Variants in SPECC1 observed in about 807,000 individuals in gnomAD.
SPECC1 encodes cytospin-B.
A neutral mutation model predicts 104.1 loss-of-function variants in SPECC1; 62 were observed. The observed-to-expected ratio is 0.60, with a 90% CI of 0.49 to 0.74. The LOEUF (loss-of-function observed/expected upper bound fraction) is 0.74. Ranked by LOEUF, SPECC1 falls within the 30% of genes least tolerant of loss-of-function variation. The pLI is 0.00. For missense variants in SPECC1, 1,306 were observed against 1,310.5 expected (o/e 1.00, Z 0.05); for synonymous variants, 513 against 501.6 (o/e 1.02, Z -0.30).
At chr17:20,272,703 G>T (rs1050079825) in intron 12 of SPECC1, among the ~76,000 whole-genome samples, 1 of 152,210 alleles carries the variant, frequency 6.6e-6, no homozygotes, top group African/African-American at 2.4e-5. Flanking sequence ...GTTATAGCAT[G>T]TGTCAAAATT....
intron 14 of SPECC1, among the ~76,000 whole-genome samples, chr17:20,311,567 A>G (rs2041935903): frequency 6.6e-6 from 1 of 151,692 alleles, no homozygotes; most frequent in Non-Finnish European, 1.5e-5. Flanking sequence ...ATTTTTTTGT[A>G]TTTTTAGTAG....
Position 20,204,900 on chromosome 17 carries a change from G to T in SPECC1, c.851G>T (p.Ser284Ile). 1 of 1,614,012 alleles carries T rather than the reference G, an allele frequency of 6.2e-7. No individual in the cohort carries two copies. Among genetic ancestry groups the T allele is most frequent in the Non-Finnish European group, 8.5e-7 (1 of 1,180,006 alleles). ...CCAACATCCATAACTCAAGAGTCAA[G>T]CTTCGGAAGCCCAACTGGAAATCAG... is the stretch of plus-strand genomic sequence containing the variant. ...SCPTSITQES[S>I]FGSPTGNQMS... The change falls in exon 4 of 15, where the codon AGC (serine) becomes ATC (isoleucine). Residue 284 changes from serine to isoleucine, a missense_variant. Ser to Ile is a moderately radical substitution (Grantham distance 142, BLOSUM62 -2). This residue lies in a region of SPECC1 where 1,177 missense variants were observed against 1,139.9 expected (regional missense o/e 1.03). Transcript: ENST00000395527.
intron 3 of SPECC1, among the ~76,000 whole-genome samples, chr17:20,161,833 T>A (rs1442244599): frequency 6.6e-6 from 1 of 151,570 alleles, no homozygotes; most frequent in Non-Finnish European, 1.5e-5. Context: ...CTCATTCTGT[T>A]GCCTAGGCTG....
At chr17:20,292,681 A>G (rs1413830106) in intron 12 of SPECC1, among the ~76,000 whole-genome samples, 1 of 152,190 alleles carries the variant, frequency 6.6e-6, no homozygotes, top group African/African-American at 2.4e-5. Context: ...TGTCGAACCC[A>G]AAGAGACTTT....
intron 13 of SPECC1, among the ~76,000 whole-genome samples, chr17:20,303,390 G>T (rs185780802): frequency 1.8e-4 from 28 of 152,308 alleles, no homozygotes; most frequent in African/African-American, 6.3e-4. Flanking sequence ...CAAGGAAGGG[G>T]CATGGCAGCT....
chr17:20,162,936 G>C (rs928492417), intron 3 of SPECC1, among the ~76,000 whole-genome samples: 4 of 152,222 alleles, frequency 2.6e-5, no homozygotes, highest in Non-Finnish European at 5.9e-5. Context: ...GCTGAGGCAG[G>C]AGAGTCCCTT....
intron 5 of SPECC1, among the ~76,000 whole-genome samples, chr17:20,231,028 G>A (rs935157341): frequency 6.6e-6 from 1 of 152,190 alleles, no homozygotes; most frequent in Non-Finnish European, 1.5e-5. Flanking sequence ...ACCTATTGAG[G>A]AATTTCAGCT....
At chr17:20,081,973 C>T (rs2046992653) in intron 1 of SPECC1, among the ~76,000 whole-genome samples, 1 of 152,204 alleles carries the variant, frequency 6.6e-6, no homozygotes, top group South Asian at 2.1e-4. Context: ...TGCCTCCTTC[C>T]ATCACAGATG....
chr17:20,069,466 C>G (rs1274615005), intron 1 of SPECC1, among the ~76,000 whole-genome samples: 1 of 152,052 alleles, frequency 6.6e-6, no homozygotes, highest in Non-Finnish European at 1.5e-5. Context: ...ATATTTTCTT[C>G]CAAGAATTAC....
chr17:20,047,713 T>A (rs1216548230), intron 1 of SPECC1, among the ~76,000 whole-genome samples: 1 of 151,982 alleles, frequency 6.6e-6, no homozygotes, highest in Non-Finnish European at 1.5e-5. Context: ...TTCTCCTGCC[T>A]CAGTCTCCCG....
chr17:20,288,991 G>A (rs2041062104), intron 12 of SPECC1, among the ~76,000 whole-genome samples: 1 of 151,956 alleles, frequency 6.6e-6, no homozygotes, highest in African/African-American at 2.4e-5. Context: ...CACCATCTTG[G>A]CCAGGCTAGT....
intron 3 of SPECC1, among the ~76,000 whole-genome samples, chr17:20,145,356 CG>C (rs1234947582): frequency 6.6e-6 from 1 of 152,156 alleles, no homozygotes; most frequent in Non-Finnish European, 1.5e-5. Flanking sequence ...GTGCCAAGTG[CG>C]TAACAGAATG....
At chr17:20,274,801 C>A (rs539027303) in intron 12 of SPECC1, among the ~76,000 whole-genome samples, 27 of 151,818 alleles carry the variant, frequency 1.8e-4, no homozygotes, top group Admixed American at 8.5e-4. Flanking sequence ...AATATTTATA[C>A]CTCTTGTACT....
At chr17:20,115,690 C>T (rs770381749) in intron 3 of SPECC1, among the ~76,000 whole-genome samples, 29 of 152,238 alleles carry the variant, frequency 1.9e-4, no homozygotes, top group Non-Finnish European at 2.6e-4. Flanking sequence ...TCTATAGATA[C>T]AGAACATACA....
At chr17:20,299,241 C>T (rs989556816) in intron 13 of SPECC1, among the ~76,000 whole-genome samples, 11 of 151,738 alleles carry the variant, frequency 7.2e-5, no homozygotes, top group Non-Finnish European at 8.8e-5. Context: ...TTTGCTTTGC[C>T]GAAAGTCTCC....
intron 1 of SPECC1, among the ~76,000 whole-genome samples, chr17:20,061,594 G>A (rs1455444178): frequency 1.3e-5 from 2 of 152,190 alleles, no homozygotes; most frequent in African/African-American, 4.8e-5. Context: ...AAATCCCCTA[G>A]TTGATCATCA....
At chr17:20,303,952 CAAAA>C (rs750506840) in intron 13 of SPECC1, among the ~76,000 whole-genome samples, 4 of 146,516 alleles carry the variant, frequency 2.7e-5, no homozygotes, top group Non-Finnish European at 6.0e-5. Context: ...GACTCCATCT[CAAAA>C]AAAAAATTAA....
intron 3 of SPECC1, among the ~76,000 whole-genome samples, chr17:20,140,605 T>A (rs1567872435): frequency 6.6e-6 from 1 of 152,174 alleles, no homozygotes; most frequent in East Asian, 1.9e-4. Context: ...GCTTGACTCT[T>A]ACTATGAAGA....
At chr17:20,254,716 G>C (rs2039761705) in intron 10 of SPECC1, among the ~76,000 whole-genome samples, 1 of 152,128 alleles carries the variant, frequency 6.6e-6, no homozygotes, top group Admixed American at 6.5e-5. Context: ...CCCTGTAGAA[G>C]GGATAGAAAG....
Sources: allele counts gnomAD v4.1 joint callset (sites outside exome capture counted in the v4.1 genomes callset), GRCh38; gene constraint gnomAD v4.1.1; regional missense constraint gnomAD v4.1.1; transcripts MANE v1.5; gene names NCBI Gene and HGNC (gene_info 2026-07-23, HGNC 2026-07-21).